The following ZNF804B variants were observed in gnomAD, a reference collection of about 807,000 sequenced individuals.
ZNF804B encodes zinc finger protein 804B, also known as zinc finger 804B.
ZNF804B carries 80 observed loss-of-function variants against 101.4 expected under a neutral mutation model. That is an observed-to-expected ratio of 0.79 (90% CI 0.66 to 0.95). The LOEUF is 0.95. Among genes scored for constraint, ZNF804B ranks in the 40% least tolerant of loss-of-function variants. The probability of loss-of-function intolerance (pLI) is 0.00; values close to 1 mark genes in which losing one functional copy is unlikely to be tolerated. For synonymous variants in ZNF804B, 622 were observed against 558.8 expected, an observed-to-expected ratio of 1.11 and a Z score of -1.59; for missense variants, 1,673 against 1,561.9, an observed-to-expected ratio of 1.07 and a Z score of -1.20.
chr7:88,946,884 A>G (rs1283072078), intron 1 of ZNF804B, among the ~76,000 whole-genome samples: 1 of 151,988 alleles, frequency 6.6e-6, no homozygotes, highest in Non-Finnish European at 1.5e-5. Context: ...AAAAGAAGAC[A>G]TTTATGTGGC....
At chr7:89,156,008 T>TC (rs1790957221) in intron 1 of ZNF804B, among the ~76,000 whole-genome samples, 1 of 119,168 alleles carries the variant, frequency 8.4e-6, no homozygotes, top group African/African-American at 2.9e-5. Flanking sequence ...TCTTTCTTTC[T>TC]TTCTCTCTTT....
intron 1 of ZNF804B, among the ~76,000 whole-genome samples, chr7:89,204,395 G>A (rs1024636333): frequency 6.6e-6 from 1 of 152,148 alleles, no homozygotes; most frequent in Non-Finnish European, 1.5e-5. Flanking sequence ...AAATGGAACA[G>A]CATTGTGAGT....
chr7:89,003,968 A>G (rs1238495509), intron 1 of ZNF804B, among the ~76,000 whole-genome samples: 1 of 151,268 alleles, frequency 6.6e-6, no homozygotes, highest in South Asian at 2.1e-4. Flanking sequence ...ACAAACTTTC[A>G]TGCATAATTG....
intron 1 of ZNF804B, among the ~76,000 whole-genome samples, chr7:89,030,080 A>C (rs1381896328): frequency 1.3e-5 from 2 of 152,160 alleles, no homozygotes; most frequent in Non-Finnish European, 2.9e-5. Context: ...GGAGGTGCAG[A>C]AGGAAGTCAA....
intron 1 of ZNF804B, among the ~76,000 whole-genome samples, chr7:89,181,331 T>C (rs1340920439): frequency 3.3e-5 from 5 of 152,210 alleles, no homozygotes; most frequent in Admixed American, 6.5e-5. Flanking sequence ...CAGCGCACTT[T>C]AGCCCATGTT....
chr7:88,990,082 C>T (rs185674909), intron 1 of ZNF804B, among the ~76,000 whole-genome samples: 16 of 151,710 alleles, frequency 1.1e-4, no homozygotes, highest in Admixed American at 9.2e-4. Context: ...CTTAGTTGTC[C>T]ATCTTGTTAG....
At chr7:88,854,305 A>T (rs1284073632) in intron 1 of ZNF804B, among the ~76,000 whole-genome samples, 2 of 152,122 alleles carry the variant, frequency 1.3e-5, no homozygotes, top group Non-Finnish European at 2.9e-5. Context: ...ACACACAGAA[A>T]ATAAGGGGGA....
Position 89,324,743 on chromosome 7 carries a change from A to G in ZNF804B, c.250-2601A>G, listed in dbSNP as rs1413979031. ...TAGAGTTCATAGTATATTTTTCTTTAACTTACAGACCAGTTTCAACTGCTA... is the reference window on the plus strand; with the variant it reads ...TAGAGTTCATAGTATATTTTTCTTTGACTTACAGACCAGTTTCAACTGCTA... On this transcript the variant is annotated intron_variant, in intron 2 of 3. Transcript: ENST00000333190. Among the ~76,000 whole-genome samples, 2 of 148,696 alleles carry G rather than the reference A, an allele frequency of 1.3e-5. 1 individual carries two copies. The highest frequency in any genetic ancestry group is 5.0e-5 in the African/African-American group (2 of 39,696).
At chr7:89,289,086 A>T (rs997920523) in intron 2 of ZNF804B, among the ~76,000 whole-genome samples, 3 of 152,198 alleles carry the variant, frequency 2.0e-5, no homozygotes, top group African/African-American at 7.2e-5. Context: ...GAAACAAGAC[A>T]CAAATTAAAA....
intron 1 of ZNF804B, among the ~76,000 whole-genome samples, chr7:88,792,901 T>C (rs1790401102): frequency 6.6e-6 from 1 of 152,070 alleles, no homozygotes; most frequent in Non-Finnish European, 1.5e-5. Flanking sequence ...TATGTAACAA[T>C]GATGCATATC....
intron 1 of ZNF804B, among the ~76,000 whole-genome samples, chr7:89,174,568 G>T (rs760771019): frequency 1.5e-4 from 23 of 151,926 alleles, no homozygotes; most frequent in Non-Finnish European, 2.2e-4. Flanking sequence ...GGGAGTATAG[G>T]TATCTCTTCA....
chr7:88,803,800 A>T (rs1321572159), intron 1 of ZNF804B, among the ~76,000 whole-genome samples: 1 of 152,078 alleles, frequency 6.6e-6, no homozygotes, highest in African/African-American at 2.4e-5. Flanking sequence ...AAAATTTGGT[A>T]GTTGTCTGCA....
chr7:89,228,429 C>A (rs1218552760), intron 2 of ZNF804B, among the ~76,000 whole-genome samples: 1 of 152,106 alleles, frequency 6.6e-6, no homozygotes, highest in Non-Finnish European at 1.5e-5. Context: ...GGTGTGTTTA[C>A]AATCCCTGAG....
At chr7:89,256,365 G>GA (rs907563695) in intron 2 of ZNF804B, among the ~76,000 whole-genome samples, 1 of 152,064 alleles carries the variant, frequency 6.6e-6, no homozygotes, top group Non-Finnish European at 1.5e-5. Context: ...ACCAGCCTGG[G>GA]AAAAATAGCA....
Position 88,885,888 on chromosome 7 carries a change from T to C in ZNF804B, c.108+125804T>C, listed in dbSNP as rs192071169. Among the ~76,000 whole-genome samples, 12 of 152,190 alleles carry C rather than the reference T, an allele frequency of 7.9e-5. No homozygotes were observed. The East Asian group carries it at 2.3e-3, about 29-fold the overall frequency. ...ATTAGTTATATTAGCACTCAGATCA[T>C]TAAGAAAATAAAATGTTCTTTATCA... On this transcript the variant is annotated intron_variant, in intron 1 of 3. Transcript: ENST00000333190.
intron 1 of ZNF804B, among the ~76,000 whole-genome samples, chr7:89,194,233 GT>G (rs1483542022): frequency 6.6e-6 from 1 of 152,050 alleles, no homozygotes. Flanking sequence ...GGATAAGTAG[GT>G]TGCGAAAATT....
intron 2 of ZNF804B, among the ~76,000 whole-genome samples, chr7:89,293,799 A>G (rs1249376102): frequency 2.7e-5 from 4 of 147,006 alleles, no homozygotes; most frequent in East Asian, 2.0e-4. Flanking sequence ...AAAAAAAAAG[A>G]AAAAAAAAAA....
intron 1 of ZNF804B, among the ~76,000 whole-genome samples, chr7:89,194,344 T>C (rs1453721869): frequency 7.9e-5 from 12 of 151,378 alleles, no homozygotes; most frequent in Admixed American, 6.6e-5. Context: ...ATTTTGGCTT[T>C]TGTTGCCATT....
At chr7:89,096,159 A>C (rs1789969405) in intron 1 of ZNF804B, among the ~76,000 whole-genome samples, 1 of 151,826 alleles carries the variant, frequency 6.6e-6, no homozygotes, top group African/African-American at 2.4e-5. Context: ...CATTTAAAAA[A>C]AAAAAAAAAA....
Sources: gnomAD v4.1 joint callset for allele counts (sites outside exome capture counted in the v4.1 genomes callset) on GRCh38, gnomAD v4.1.1 for gene constraint, MANE v1.5 for transcripts, NCBI Gene and HGNC (gene_info 2026-07-23, HGNC 2026-07-21) for gene names.